SNX7: variants seen among roughly 807,000 people sequenced by gnomAD.
SNX7 encodes the protein sorting nexin-7.
In SNX7, 35 loss-of-function variants were observed where a neutral mutation model predicts 48.4. That is an observed-to-expected ratio of 0.72 (90% CI 0.55 to 0.96). The LOEUF (loss-of-function observed/expected upper bound fraction) is 0.96. Among genes scored for constraint, SNX7 ranks in the 40% least tolerant of loss-of-function variants. The probability of loss-of-function intolerance (pLI) is 0.00; values close to 1 mark genes in which losing one functional copy is unlikely to be tolerated. For synonymous variants in SNX7, 190 were observed against 190.2 expected (o/e 1.00, Z 0.01); for missense variants, 553 against 548.9 (o/e 1.01, Z -0.07).
chr1:98,691,192 T>A lies in SNX7; in HGVS notation c.474+7T>A, dbSNP rs773333893. On this transcript the variant is annotated splice_region_variant and intron_variant, in intron 3 of 8. Transcript: ENST00000306121. Reference sequence around the variant, plus strand: ...CCCCACTCTGATTATTCCAGTAAGTTTGCAAAATTTTTTTTTTCATAGAAT... The same window carrying A: ...CCCCACTCTGATTATTCCAGTAAGTATGCAAAATTTTTTTTTTCATAGAAT... 3.5e-5 allele frequency: 55 copies of A among 1,576,584 alleles called. No homozygotes were observed. In the Admixed American group the frequency reaches 5.7e-4, roughly 16 times the overall value.
intron 1 of SNX7, among the ~76,000 whole-genome samples, chr1:98,666,442 T>C (rs960768524): frequency 6.6e-6 from 1 of 152,108 alleles, no homozygotes; most frequent in Admixed American, 6.5e-5. Context: ...AAGGGGTATG[T>C]TCCCTGAATT....
In SNX7 at chr1:98,760,142, GAC is replaced by G; in HGVS notation, c.*12_*13del. The G allele has an allele frequency of 6.3e-7, 1 of 1,589,308 alleles. No individual in the cohort carries two copies. On this transcript the variant is annotated 3_prime_UTR_variant, in exon 9 of 9. Coordinates refer to ENST00000306121, the MANE Select transcript of SNX7 (RefSeq NM_015976.5). ...GAAGATAAACCTTAATCCCATTGAG[GAC>G]TTCTGTTTGATCTTTGGGAGACAGC...
chr1:98,688,817 A>G (rs1287223937), intron 2 of SNX7, among the ~76,000 whole-genome samples: 2 of 152,226 alleles, frequency 1.3e-5, no homozygotes, highest in Admixed American at 6.5e-5. Context: ...TATGAAATAC[A>G]TGATATTTCT....
chr1:98,666,921 C>T (rs1649566590), intron 1 of SNX7, among the ~76,000 whole-genome samples: 1 of 152,182 alleles, frequency 6.6e-6, no homozygotes, highest in South Asian at 2.1e-4. Context: ...GTCAGCAGCC[C>T]TAGCCGAAGT....
intron 1 of SNX7, among the ~76,000 whole-genome samples, chr1:98,678,568 G>A (rs1022528529): frequency 2.0e-5 from 3 of 152,086 alleles, no homozygotes; most frequent in Admixed American, 6.5e-5. Context: ...GCTTGGGCAG[G>A]GAAATAACAA....
At chr1:98,680,964 C>A (rs1650455393) in intron 1 of SNX7, among the ~76,000 whole-genome samples, 1 of 152,192 alleles carries the variant, frequency 6.6e-6, no homozygotes, top group Non-Finnish European at 1.5e-5. Context: ...TTCAGCAGTG[C>A]CCCACTCTTA....
At chr1:98,730,610 T>G (rs1465883736) in intron 7 of SNX7, among the ~76,000 whole-genome samples, 1 of 151,764 alleles carries the variant, frequency 6.6e-6, no homozygotes, top group Admixed American at 6.6e-5. Context: ...TCACCGACAG[T>G]AGACAAGCAG....
intron 6 of SNX7, among the ~76,000 whole-genome samples, chr1:98,699,782 A>G (rs919799092): frequency 5.7e-4 from 86 of 152,202 alleles, no homozygotes; most frequent in African/African-American, 2.0e-3. Context: ...CTTGTTGATC[A>G]TGTTTAGGTT....
At chr1:98,758,797 C>A (rs1654979679) in intron 8 of SNX7, among the ~76,000 whole-genome samples, 1 of 151,820 alleles carries the variant, frequency 6.6e-6, no homozygotes, top group African/African-American at 2.4e-5. Context: ...AATCTTTTAG[C>A]TTTATTATTA....
intron 1 of SNX7, among the ~76,000 whole-genome samples, chr1:98,663,126 ACTTT>A (rs1649337977): frequency 6.6e-6 from 1 of 151,710 alleles, no homozygotes; most frequent in South Asian, 2.1e-4. Flanking sequence ...TTGGTTATTT[ACTTT>A]CTTTCCTTCT....
intron 8 of SNX7, among the ~76,000 whole-genome samples, chr1:98,744,884 T>A (rs1219365038): frequency 1.3e-5 from 2 of 151,944 alleles, no homozygotes; most frequent in Non-Finnish European, 2.9e-5. Context: ...AATTCTAAAT[T>A]TACTCATAGA....
intron 1 of SNX7, among the ~76,000 whole-genome samples, chr1:98,668,892 G>A (rs1649685707): frequency 6.6e-6 from 1 of 152,188 alleles, no homozygotes; most frequent in Non-Finnish European, 1.5e-5. Flanking sequence ...CACTAAAAAT[G>A]TTCTGGTACA....
intron 8 of SNX7, among the ~76,000 whole-genome samples, chr1:98,739,373 T>C (rs1653957924): frequency 6.6e-6 from 1 of 152,274 alleles, no homozygotes; most frequent in South Asian, 2.1e-4. Flanking sequence ...TGCTTATCCG[T>C]TTAAAAGAAC....
In SNX7 at chr1:98,707,137, T is replaced by A. The variant is rs553217306; in HGVS notation, c.1125+5234T>A. On this transcript the variant is annotated intron_variant, in intron 7 of 8. Transcript: ENST00000306121. ...TTCAACATTAAGAGATTAATGATAA[T>A]GGAAGAATCAGAAGTTTTGGCTGAG... 8.5e-5 allele frequency among the ~76,000 whole-genome samples: 13 copies of A among 152,306 alleles called. No individual in the cohort carries two copies. The South Asian group carries it at 2.7e-3, about 32-fold the overall frequency.
rs189010325 is a variant in SNX7 at position 98,711,966 on chromosome 1, G to A, written c.1125+10063G>A. On this transcript the variant is annotated intron_variant, in intron 7 of 8. Coordinates refer to ENST00000306121, the MANE Select transcript of SNX7 (RefSeq NM_015976.5). ...CACAGCATCTTCACCAGTAGATCCC[G>A]CCTCAAGAAATCACTTTCTTTGCTC... Among the ~76,000 whole-genome samples the A allele has an allele frequency of 2.5e-3, 376 of 152,236 alleles. 1 individual carries two copies. Among genetic ancestry groups the A allele is most frequent in the Non-Finnish European group, 4.5e-3 (306 of 68,010 alleles).
rs959142167 is a variant in SNX7 at position 98,661,768 on chromosome 1, T to G, written c.37T>G (p.Ser13Ala). The G allele has an allele frequency of 1.6e-6, 2 of 1,240,666 alleles. No individual in the cohort carries two copies. The highest frequency in any genetic ancestry group is 3.1e-5 in the African/African-American group (2 of 64,172). 76.9% of individuals were successfully genotyped at this position (1,240,666 alleles called of 1,614,324 possible). Reference protein sequence around the residue: ...GERRASQAPSSGLPAGGANGE... With the variant: ...GERRASQAPSAGLPAGGANGE... ...GCGCCGGGCATCGCAGGCGCCCTCC[T>G]CGGGCCTCCCGGCCGGGGGCGCCAA... The change falls in exon 1 of 9, where the codon TCG (serine) becomes GCG (alanine). Residue 13 changes from serine (S) to alanine (A), a missense_variant. By Grantham distance (99) the Ser-to-Ala change is moderately conservative. Transcript: ENST00000306121.
intron 1 of SNX7, 182 bp downstream of exon 1, chr1:98,662,093 C>T (rs993933902): frequency 1.8e-6 from 1 of 561,888 alleles, no homozygotes; most frequent in Non-Finnish European, 2.6e-6. Flanking sequence ...CCCGGGGCCG[C>T]GTCGCCTCGG....
intron 7 of SNX7, among the ~76,000 whole-genome samples, chr1:98,717,855 AG>A (rs1180489596): frequency 6.6e-6 from 1 of 152,018 alleles, no homozygotes; most frequent in Non-Finnish European, 1.5e-5. Flanking sequence ...TGTCCTTCCC[AG>A]GGGGCAGATT....
rs756119979 is a variant in SNX7, at chr1:98,760,105, G to T, written c.1330G>T (p.Glu444Ter). The T allele has an allele frequency of 3.1e-6, 5 of 1,609,820 alleles. No homozygotes were observed. Among genetic ancestry groups the T allele is most frequent in the Non-Finnish European group, 4.2e-6 (5 of 1,176,722 alleles). ...TACATCACAGACCAACCTTCACTTG[G>T]AAGAAGCCTCTGAAGATAAACCTTA... ...FLTSQTNLHL[E>*]EASEDKP Residue 444 changes from glutamate to a stop codon, truncating the protein, a stop_gained, in exon 9 of 9, where the codon GAA (glutamate) becomes TAA (stop). Transcript: ENST00000306121. LOFTEE classifies it high-confidence loss of function.
Sources: gnomAD v4.1 joint callset for allele counts (sites outside exome capture counted in the v4.1 genomes callset) on GRCh38, gnomAD v4.1.1 for gene constraint, MANE v1.5 for transcripts, NCBI Gene and HGNC (gene_info 2026-07-23, HGNC 2026-07-21) for gene names.